Variants in GALNT13 observed in about 807,000 individuals in gnomAD.
The protein encoded by GALNT13 is UDP-GalNAc:polypeptide N-acetylgalactosaminyltransferase 13.
Under a neutral mutation model 64.2 loss-of-function variants are expected in GALNT13, and 28 were observed. That is an observed-to-expected ratio of 0.44 (90% CI 0.32 to 0.60). The LOEUF is 0.60. GALNT13 is among the 20% of genes least tolerant of loss of function. The probability of loss-of-function intolerance (pLI) is 0.05; values close to 1 mark genes in which losing one functional copy is unlikely to be tolerated. For missense variants in GALNT13, 577 were observed against 669.8 expected (o/e 0.86, Z 1.53); for synonymous variants, 214 against 224.6 (o/e 0.95, Z 0.42).
intron 4 of GALNT13, among the ~76,000 whole-genome samples, chr2:154,156,117 A>G (rs1479596217): frequency 6.6e-6 from 1 of 151,918 alleles, no homozygotes; most frequent in South Asian, 2.1e-4. Context: ...CTAAAATGTC[A>G]TAGGAGACTT....
the GALNT13 span, among the ~76,000 whole-genome samples, chr2:153,646,251 T>A: frequency 2.0e-5 from 3 of 151,938 alleles, no homozygotes; most frequent in Non-Finnish European, 2.9e-5. Flanking sequence ...TTATAAGTAA[T>A]CTTAAGAATA....
At chr2:153,904,945 T>G (rs886704217) in intron 2 of GALNT13, among the ~76,000 whole-genome samples, 1 of 151,940 alleles carries the variant, frequency 6.6e-6, no homozygotes, top group Non-Finnish European at 1.5e-5. Context: ...ATATTTACTA[T>G]AAATTAAATT....
the GALNT13 span, among the ~76,000 whole-genome samples, chr2:153,301,320 A>AAAAAAAAAAAAAAAAAG: frequency 1.4e-3 from 177 of 126,628 alleles, 6 homozygotes; most frequent in Non-Finnish European, 2.1e-3. Flanking sequence ...AAAAAAAAAG[A>AAAAAAAAAAAAAAAAAG]AAAAAAAAAA....
the GALNT13 span, among the ~76,000 whole-genome samples, chr2:153,424,732 G>A: frequency 6.6e-6 from 1 of 151,808 alleles, no homozygotes; most frequent in Non-Finnish European, 1.5e-5. Context: ...AATAAAACTA[G>A]TAGCTGCATT....
the GALNT13 span, among the ~76,000 whole-genome samples, chr2:153,734,584 G>T: frequency 1.3e-5 from 2 of 152,080 alleles, no homozygotes; most frequent in African/African-American, 4.8e-5. Context: ...TTGCAGGTTT[G>T]CCATTAAAAT....
At chr2:154,309,875 T>C (rs1693938176) in intron 9 of GALNT13, among the ~76,000 whole-genome samples, 1 of 152,150 alleles carries the variant, frequency 6.6e-6, no homozygotes, top group Non-Finnish European at 1.5e-5. Context: ...TTTTAATGAC[T>C]TAACACAAAG....
At chr2:154,104,358 G>A (rs1702502907) in intron 3 of GALNT13, among the ~76,000 whole-genome samples, 2 of 152,236 alleles carry the variant, frequency 1.3e-5, no homozygotes, top group South Asian at 2.1e-4. Flanking sequence ...GAGAGGGAGA[G>A]GTGAGCCTTG....
the GALNT13 span, among the ~76,000 whole-genome samples, chr2:153,176,735 G>T: frequency 7.1e-6 from 1 of 140,996 alleles, no homozygotes; most frequent in African/African-American, 2.7e-5. Context: ...TCAACCTGCA[G>T]ATTCAAGAAA....
the GALNT13 span, among the ~76,000 whole-genome samples, chr2:153,158,170 T>C: frequency 6.6e-6 from 1 of 152,164 alleles, no homozygotes; most frequent in African/African-American, 2.4e-5. Flanking sequence ...GCCTTTCTGG[T>C]TGAATTAATT....
the GALNT13 span, among the ~76,000 whole-genome samples, chr2:153,265,871 A>T: frequency 6.6e-6 from 1 of 152,264 alleles, no homozygotes; most frequent in Non-Finnish European, 1.5e-5. Flanking sequence ...CTTAGTTGAT[A>T]AAATGGCAGC....
chr2:153,723,859 C>A, the GALNT13 span, among the ~76,000 whole-genome samples: 2 of 150,790 alleles, frequency 1.3e-5, no homozygotes, highest in Non-Finnish European at 2.9e-5. Flanking sequence ...GAATCAATAT[C>A]GTGAAAATGG....
chr2:153,510,868 T>C, the GALNT13 span, among the ~76,000 whole-genome samples: 1 of 151,708 alleles, frequency 6.6e-6, no homozygotes, highest in Non-Finnish European at 1.5e-5. Context: ...AAAATGTTTC[T>C]AGAAGGAAAG....
chr2:154,005,403 A>G (rs1161013941), intron 3 of GALNT13, among the ~76,000 whole-genome samples: 2 of 152,136 alleles, frequency 1.3e-5, no homozygotes, highest in Non-Finnish European at 2.9e-5. Context: ...GCCCACTATG[A>G]TATTTTTTAA....
At chr2:153,466,190 C>T in the GALNT13 span, among the ~76,000 whole-genome samples, 1 of 152,038 alleles carries the variant, frequency 6.6e-6, no homozygotes, top group Non-Finnish European at 1.5e-5. Flanking sequence ...TTGTAAAGCT[C>T]CAACCATTAG....
At chr2:154,279,426 C>G (rs1278755516) in intron 8 of GALNT13, among the ~76,000 whole-genome samples, 1 of 152,026 alleles carries the variant, frequency 6.6e-6, no homozygotes, top group Non-Finnish European at 1.5e-5. Context: ...CAGGTGAGCT[C>G]TTTTTGATCT....
the GALNT13 span, among the ~76,000 whole-genome samples, chr2:153,770,935 A>G: frequency 4.6e-5 from 7 of 152,206 alleles, no homozygotes; most frequent in Non-Finnish European, 1.0e-4. Context: ...TGGAAGACCT[A>G]CATTGCCCTA....
chr2:153,163,183 A>G, the GALNT13 span, among the ~76,000 whole-genome samples: 1 of 152,164 alleles, frequency 6.6e-6, no homozygotes, highest in Non-Finnish European at 1.5e-5. Context: ...TGTCTTCATA[A>G]TAAAATAAGG....
chr2:153,814,381 G>A, the GALNT13 span, among the ~76,000 whole-genome samples: 13 of 152,036 alleles, frequency 8.6e-5, no homozygotes, highest in South Asian at 2.1e-4. Flanking sequence ...CGGAGCTTGC[G>A]GTAAGCCGAG....
the GALNT13 span, among the ~76,000 whole-genome samples, chr2:153,460,681 G>C: frequency 1.3e-5 from 2 of 152,080 alleles, no homozygotes; most frequent in African/African-American, 4.8e-5. Flanking sequence ...TAAGATACAC[G>C]CTGGGTTGAT....
Sources: allele counts gnomAD v4.1 joint callset (sites outside exome capture counted in the v4.1 genomes callset), GRCh38; gene constraint gnomAD v4.1.1; transcripts MANE v1.5; gene names NCBI Gene and HGNC (gene_info 2026-07-23, HGNC 2026-07-21).